Variants in PXMP4 observed in about 807,000 individuals in gnomAD.
PXMP4 encodes the protein peroxisomal membrane protein 4.
Under a neutral mutation model 21.6 loss-of-function variants are expected in PXMP4, and 16 were observed. The observed-to-expected ratio is 0.74, with a 90% CI of 0.50 to 1.13. PXMP4 has a LOEUF of 1.13. PXMP4 is among the 50% of genes most tolerant of loss of function. The probability of loss-of-function intolerance (pLI) is 0.00; values close to 1 mark genes in which losing one functional copy is unlikely to be tolerated. For missense variants in PXMP4, 240 were observed against 277.7 expected (o/e 0.86, Z 0.96); for synonymous variants, 127 against 123.8 (o/e 1.03, Z -0.17).
Position 33,706,963 on chromosome 20 carries a change from C to T in PXMP4, c.*743G>A, listed in dbSNP as rs1224552248. On this transcript the variant is annotated 3_prime_UTR_variant, in exon 4 of 4. Transcript: ENST00000409299. ...CCAGGCTGGAGTGCAGTGGCGTGAT[C>T]TTTGCTCACTGTAGCCTCGACCTCA... 1.3e-5 allele frequency: 2 copies of T among 151,634 alleles called. No homozygotes were observed. Among genetic ancestry groups the T allele is most frequent in the Non-Finnish European group, 2.9e-5 (2 of 67,966 alleles). 9.4% of individuals were successfully genotyped at this position (151,634 alleles called of 1,614,324 possible).
rs1384584360 is a variant in PXMP4 at position 33,710,297 on chromosome 20, C to T, written c.375+258G>A. 4.7e-5 allele frequency among the ~76,000 whole-genome samples: 7 copies of T among 147,492 alleles called. No homozygotes were observed. The East Asian group carries it at 1.3e-3, about 27-fold the overall frequency. On this transcript the variant is annotated intron_variant, in intron 3 of 3. Coordinates refer to ENST00000409299, the MANE Select transcript of PXMP4 (RefSeq NM_007238.5). ...CCCCCACTCCTACCTCCATACAGAA[C>T]CACACCTCTTCTCCTACTCCTACCT...
intron 1 of PXMP4, among the ~76,000 whole-genome samples, chr20:33,719,084 C>T (rs146969801): frequency 2.6e-5 from 4 of 152,228 alleles, no homozygotes; most frequent in East Asian, 1.9e-4. Context: ...TTGGTAGAAA[C>T]GGGGTTTTGC....
intron 3 of PXMP4, among the ~76,000 whole-genome samples, chr20:33,710,211 A>C (rs1158076494): frequency 3.6e-4 from 20 of 54,844 alleles, no homozygotes; most frequent in Non-Finnish European, 4.8e-4. Flanking sequence ...CCCCACTCCC[A>C]CCTCTACAAT....
chr20:33,712,448 A>ATT (rs1018942123), intron 2 of PXMP4, among the ~76,000 whole-genome samples: 1 of 142,986 alleles, frequency 7.0e-6, no homozygotes, highest in Non-Finnish European at 1.5e-5. Context: ...CCTGGCAGCA[A>ATT]TTTTTTTTTT....
intron 1 of PXMP4, 56 bp from the exon 2 acceptor site, chr20:33,714,792 T>G: frequency 6.4e-7 from 1 of 1,563,820 alleles, no homozygotes; most frequent in African/African-American, 1.4e-5. Flanking sequence ...ACTTTCTTTT[T>G]GGGCTGTCCT....
intron 1 of PXMP4, among the ~76,000 whole-genome samples, chr20:33,718,428 G>C (rs1364293146): frequency 1.4e-5 from 2 of 146,716 alleles, no homozygotes; most frequent in Admixed American, 1.4e-4. Flanking sequence ...GGAGAATGGT[G>C]TGAACCTGGG....
intron 1 of PXMP4, among the ~76,000 whole-genome samples, chr20:33,718,185 G>A (rs1298095526): frequency 6.6e-6 from 1 of 151,932 alleles, no homozygotes; most frequent in Admixed American, 6.6e-5. Flanking sequence ...TTCACTGCAG[G>A]CTTGTTTGAA....
rs1313602502 is a variant in PXMP4 at position 33,704,105 on chromosome 20, A to C, written c.*3601T>G. 3 of 152,302 alleles carry C rather than the reference A, an allele frequency of 2.0e-5. No homozygotes were observed. Among genetic ancestry groups the C allele is most frequent in the African/African-American group, 7.2e-5 (3 of 41,456 alleles). The allele number at this position is 152,302 out of a possible 1,614,324, so 9.4% of individuals were successfully genotyped here. ...AGGGGACGTGGTTTCAGGATGATTCAAGCACATTGCATTTACTGTGGATTT... is the reference window on the plus strand; with the variant it reads ...AGGGGACGTGGTTTCAGGATGATTCCAGCACATTGCATTTACTGTGGATTT... On this transcript the variant is annotated 3_prime_UTR_variant, in exon 4 of 4. Transcript: ENST00000409299.
At chr20:33,719,881 C>A (rs534662982) in intron 1 of PXMP4, among the ~76,000 whole-genome samples, 78 of 152,296 alleles carry the variant, frequency 5.1e-4, no homozygotes, top group African/African-American at 1.3e-3. Context: ...GTTGGAAGAC[C>A]CAGAAAATGT....
chr20:33,710,211 ACCTCTACAATGAACCACGC>A (rs1568920213), intron 3 of PXMP4, among the ~76,000 whole-genome samples: 1 of 54,840 alleles, frequency 1.8e-5, no homozygotes, highest in Admixed American at 2.1e-4. Flanking sequence ...CCCCACTCCC[ACCTCTACAATGAACCACGC>A]CCTTTCCCCC....
chr20:33,714,583 G>A (rs1051432005), intron 2 of PXMP4, 91 bp downstream of exon 2: 9 of 1,263,598 alleles, frequency 7.1e-6, no homozygotes, highest in Admixed American at 1.9e-5. Flanking sequence ...AGGCGTGATG[G>A]GGGGACAGGG....
chr20:33,707,026 AG>A lies in PXMP4; in HGVS notation c.*679del, dbSNP rs2018263937. The A allele has an allele frequency of 2.0e-5, 3 of 152,052 alleles. No homozygotes were observed. The highest frequency in any genetic ancestry group is 2.0e-4 in the Admixed American group (3 of 15,246). The allele number at this position is 152,052 out of a possible 1,614,324, so 9.4% of individuals were successfully genotyped here. ...ATCCTCCCACCTCAGCTGGAACCAC[AG>A]GTGATGGAACCCGGCTAATTTTTTG... is the stretch of plus-strand genomic sequence containing the variant. On this transcript the variant is annotated 3_prime_UTR_variant, in exon 4 of 4. Coordinates refer to ENST00000409299, the MANE Select transcript of PXMP4 (RefSeq NM_007238.5).
Position 33,720,217 on chromosome 20 carries a change from T to G in PXMP4, c.-10A>C. On this transcript the variant is annotated 5_prime_UTR_variant, in exon 1 of 4. Coordinates refer to ENST00000409299, the MANE Select transcript of PXMP4 (RefSeq NM_007238.5). ...GCGGCGGGGCTGCCATAGTGCGGGC[T>G]GCGCGCAGGGTCGGGGTTAGGAACT... The G allele has an allele frequency of 6.2e-7, 1 of 1,605,352 alleles. No homozygotes were observed. Among genetic ancestry groups the G allele is most frequent in the South Asian group, 1.1e-5 (1 of 89,944 alleles).
intron 3 of PXMP4, among the ~76,000 whole-genome samples, chr20:33,708,815 C>T (rs2018292116): frequency 6.6e-6 from 1 of 152,028 alleles, no homozygotes; most frequent in African/African-American, 2.4e-5. Flanking sequence ...CTCAGCCTCC[C>T]AAGCAGCTGA....
intron 2 of PXMP4, among the ~76,000 whole-genome samples, chr20:33,714,127 A>G (rs1256441782): frequency 6.6e-6 from 1 of 152,230 alleles, no homozygotes; most frequent in African/African-American, 2.4e-5. Context: ...GCCAGGGTGG[A>G]CACAACGGGG....
At chr20:33,719,993 G>T in intron 1 of PXMP4, 102 bp downstream of exon 1, 1 of 1,135,844 alleles carries the variant, frequency 8.8e-7, no homozygotes. Context: ...CACGAGGACT[G>T]CTCCAGGGCA....
At position 33,710,796 on chromosome 20, in the gene PXMP4, A is replaced by T. The variant is rs200416865; in HGVS notation, c.177-43T>A. 560 of 1,526,216 alleles carry T rather than the reference A, an allele frequency of 3.7e-4. 9 individuals are homozygous for T. In the East Asian group the frequency reaches 0.01, roughly 28 times the overall value. The allele number at this position is 1,526,216 out of a possible 1,614,324, so 94.5% of individuals were successfully genotyped here. Reference sequence around the variant, plus strand: ...CCCCTGCCATGAGTGCAGGCTCAGCAGCCCCAAAGGGCTTTTACGCACTGG... The same window carrying T: ...CCCCTGCCATGAGTGCAGGCTCAGCTGCCCCAAAGGGCTTTTACGCACTGG... On this transcript the variant is annotated intron_variant, in intron 2 of 3. Coordinates refer to ENST00000409299, the MANE Select transcript of PXMP4 (RefSeq NM_007238.5).
intron 1 of PXMP4, 126 bp downstream of exon 1, chr20:33,719,969 G>C (rs961406136): frequency 1.1e-6 from 1 of 894,448 alleles, no homozygotes; most frequent in African/African-American, 1.7e-5. Context: ...GGTGACCTCC[G>C]AGACTTAGAG....
chr20:33,709,161 G>A (rs2122580870), intron 3 of PXMP4, among the ~76,000 whole-genome samples: 1 of 152,260 alleles, frequency 6.6e-6, no homozygotes, highest in Admixed American at 6.5e-5. Context: ...TGGTATGGTG[G>A]CAGGCGCTTG....
Sources: gnomAD v4.1 joint callset for allele counts (sites outside exome capture counted in the v4.1 genomes callset) on GRCh38, gnomAD v4.1.1 for gene constraint, MANE v1.5 for transcripts, NCBI Gene and HGNC (gene_info 2026-07-23, HGNC 2026-07-21) for gene names.